The following MISP variants were observed in gnomAD, a reference collection of about 807,000 sequenced individuals.
MISP encodes mitotic interactor and substrate of PLK1.
In MISP, 51 loss-of-function variants were observed where a neutral mutation model predicts 49.3. The observed-to-expected ratio is 1.03, with a 90% CI of 0.83 to 1.31. MISP has a LOEUF of 1.31. Among genes scored for constraint, MISP ranks in the 50% most tolerant of loss-of-function variants. The probability of loss-of-function intolerance (pLI) is 0.00; values close to 1 mark genes in which losing one functional copy is unlikely to be tolerated. For missense variants in MISP, 1,084 were observed against 935.1 expected (o/e 1.16, Z -2.08); for synonymous variants, 444 against 392.6 (o/e 1.13, Z -1.55).
chr19:759,455 A>G (rs2033635848), intron 2 of MISP, among the ~76,000 whole-genome samples: 2 of 141,110 alleles, frequency 1.4e-5, no homozygotes, highest in South Asian at 2.2e-4. Context: ...GCTGGAGTGC[A>G]GTGGCGCGAT....
At chr19:749,698 C>T (rs957270545), upstream of MISP, among the ~76,000 whole-genome samples, 5 of 152,142 alleles carry the variant, frequency 3.3e-5, no homozygotes, top group Non-Finnish European at 5.9e-5. Flanking sequence ...GGCGTGGTGG[C>T]TCATGCCAGT....
At chr19:754,043 C>T (rs957175842) in intron 1 of MISP, among the ~76,000 whole-genome samples, 2 of 152,296 alleles carry the variant, frequency 1.3e-5, no homozygotes, top group Non-Finnish European at 2.9e-5. Flanking sequence ...GTCTGCTGGA[C>T]ACGGTGGCTC....
At chr19:756,603 A>T (rs1336610414) in intron 1 of MISP, among the ~76,000 whole-genome samples, 1 of 152,180 alleles carries the variant, frequency 6.6e-6, no homozygotes, top group Non-Finnish European at 1.5e-5. Context: ...CAGAGATTAG[A>T]CAATGGGCTG....
rs749391664 is a variant in MISP, at chr19:757,701, A to G, written c.755A>G (p.Lys252Arg). Residue 252 changes from lysine to arginine, a missense_variant, in exon 2 of 5, where the codon AAG becomes AGG. Transcript: ENST00000215582. ...GTGGTTCCCATCAAGCCCCAGGTGA[A>G]GGGGGTGGTCAGGGAAGAGAACAAG... The part of the protein sequence containing the change: ...GHVVPIKPQV[K>R]GVVREENKVR... 6.2e-7 allele frequency: 1 copy of G among 1,613,854 alleles called. No individual in the cohort carries two copies. Among genetic ancestry groups the G allele is most frequent in the Non-Finnish European group, 8.5e-7 (1 of 1,179,974 alleles).
At chr19:749,103 A>G (rs528113820), upstream of MISP, among the ~76,000 whole-genome samples, 227 of 152,224 alleles carry the variant, frequency 1.5e-3, 1 homozygote, top group African/African-American at 5.3e-3. Flanking sequence ...GTGCCACTGC[A>G]CTCCAACCTG....
intron 1 of MISP, among the ~76,000 whole-genome samples, chr19:752,987 G>A (rs115154199): frequency 0.014 from 2,098 of 152,306 alleles, 24 homozygotes; most frequent in Middle Eastern, 0.051. Context: ...TTTATTAGGC[G>A]CCTGCTGTAT....
intron 4 of MISP, among the ~76,000 whole-genome samples, chr19:762,159 A>G (rs1185873209): frequency 2.1e-5 from 3 of 146,214 alleles, no homozygotes; most frequent in African/African-American, 7.7e-5. Context: ...TCACCGTGTT[A>G]GCCAGGATGG....
chr19:752,825 C>T (rs1009005023), intron 1 of MISP, among the ~76,000 whole-genome samples: 1 of 152,226 alleles, frequency 6.6e-6, no homozygotes, highest in Admixed American at 6.5e-5. Flanking sequence ...AACATTCCTA[C>T]ACCCGCCCTC....
rs768424472 is a variant in MISP, at chr19:757,703, G to A, written c.757G>A (p.Gly253Arg). 9 of 1,613,768 alleles carry A rather than the reference G, an allele frequency of 5.6e-6. No homozygotes were observed. Among genetic ancestry groups the A allele is most frequent in the Non-Finnish European group, 7.6e-6 (9 of 1,180,004 alleles). ...HVVPIKPQVK[G>R]VVREENKVRA... ...GGTTCCCATCAAGCCCCAGGTGAAG[G>A]GGGTGGTCAGGGAAGAGAACAAGGT... Residue 253 changes from glycine to arginine, a missense_variant, in exon 2 of 5, where the codon GGG becomes AGG. Coordinates refer to ENST00000215582, the MANE Select transcript of MISP (RefSeq NM_173481.4).
chr19:755,790 G>A (rs1417739965), intron 1 of MISP, among the ~76,000 whole-genome samples: 1 of 152,058 alleles, frequency 6.6e-6, no homozygotes, highest in African/African-American at 2.4e-5. Flanking sequence ...AAAATTAGCC[G>A]GACTTGGGAG....
Position 758,419 on chromosome 19 carries a change from C to G in MISP, c.1473C>G (p.Cys491Trp). The G allele has an allele frequency of 6.2e-7, 1 of 1,614,204 alleles. No homozygotes were observed. The highest frequency in any genetic ancestry group is 1.1e-5 in the South Asian group (1 of 91,084). ...KQEASKPPRG[C>W]PQANRGVVRW... The stretch of plus-strand genomic sequence containing the variant: ...AGGCATCGAAGCCCCCTCGGGGATG[C>G]CCGCAAGCCAACAGGGGTGTCGTGC... Residue 491 changes from cysteine (C) to tryptophan (W), a missense_variant, in exon 2 of 5, where the codon TGC becomes TGG. By Grantham distance (215) the Cys-to-Trp change is radical. Coordinates refer to ENST00000215582, the MANE Select transcript of MISP (RefSeq NM_173481.4).
intron 3 of MISP, among the ~76,000 whole-genome samples, chr19:761,372 A>T (rs182843296): frequency 2.2e-3 from 327 of 151,906 alleles, no homozygotes; most frequent in African/African-American, 4.0e-3. Context: ...ATAAATAAAT[A>T]AATTAATTAA....
At chr19:749,456 G>A (rs1054716132), upstream of MISP, among the ~76,000 whole-genome samples, 5 of 152,188 alleles carry the variant, frequency 3.3e-5, no homozygotes, top group African/African-American at 4.8e-5. Context: ...GTGAGGCCGC[G>A]CACCCTGAGC....
intron 1 of MISP, among the ~76,000 whole-genome samples, chr19:754,922 G>C (rs978240443): frequency 6.7e-6 from 1 of 148,612 alleles, no homozygotes; most frequent in Non-Finnish European, 1.5e-5. Flanking sequence ...GAAGAGGAGG[G>C]TCTGGTTTGG....
At chr19:761,713 G>A (rs753915122) in intron 4 of MISP, 50 bp downstream of exon 4, 62 of 1,607,214 alleles carry the variant, frequency 3.9e-5, no homozygotes, top group Non-Finnish European at 5.1e-5. Context: ...CCCCACATCT[G>A]TGCCCCTGCA....
chr19:761,190 A>G (rs149549950), intron 3 of MISP, among the ~76,000 whole-genome samples: 3,344 of 144,548 alleles, frequency 0.023, 166 homozygotes, highest in African/African-American at 0.082. Context: ...CCCGGGTTCA[A>G]GCGATTCTCC....
rs760134873 is a variant in MISP, at chr19:757,408, G to A, written c.462G>A (p.Lys154=). 2 of 1,605,676 alleles carry A rather than the reference G, an allele frequency of 1.2e-6. No individual in the cohort carries two copies. Among genetic ancestry groups the A allele is most frequent in the East Asian group, 2.3e-5 (1 of 44,412 alleles). ...WAVIQGQAVR[K]SSTVATLQGT... ...TCATCCAGGGCCAGGCAGTCAGGAA[G>A]AGCAGCACCGTGGCCACGCTCCAGG... Residue 154 remains lysine, a synonymous_variant, in exon 2 of 5, where the codon AAG becomes AAA. Coordinates refer to ENST00000215582, the MANE Select transcript of MISP (RefSeq NM_173481.4).
intron 2 of MISP, among the ~76,000 whole-genome samples, chr19:759,369 A>G (rs1036255905): frequency 2.0e-5 from 3 of 146,738 alleles, no homozygotes; most frequent in African/African-American, 7.5e-5. Context: ...CTTTTTGACA[A>G]TATGAAATAT....
chr19:757,184 C>T lies in MISP; in HGVS notation c.238C>T (p.Arg80Trp), dbSNP rs145979400. Residue 80 changes from arginine (R) to tryptophan (W), a missense_variant, in exon 2 of 5, where the codon CGG becomes TGG. Coordinates refer to ENST00000215582, the MANE Select transcript of MISP (RefSeq NM_173481.4). ...TGCCTACACTGGCCAGCCGTCCCCA[C>T]GGGGGCTCCACTCGGAGAACAGGGA... ...VHAYTGQPSPRGLHSENREDE... is the reference protein window; with the variant it reads ...VHAYTGQPSPWGLHSENREDE... 1.8e-5 allele frequency: 29 copies of T among 1,613,404 alleles called. No homozygotes were observed. Among genetic ancestry groups the T allele is most frequent in the African/African-American group, 1.7e-4 (13 of 74,948 alleles).
Sources: gnomAD v4.1 joint callset for allele counts (sites outside exome capture counted in the v4.1 genomes callset) on GRCh38, gnomAD v4.1.1 for gene constraint, MANE v1.5 for transcripts, NCBI Gene and HGNC (gene_info 2026-07-23, HGNC 2026-07-21) for gene names.